The following INTS9 variants were observed in gnomAD, a reference collection of about 807,000 sequenced individuals.
INTS9 encodes the protein protein related to CPSF subunits of 74 kDa.
Under a neutral mutation model 79.7 loss-of-function variants are expected in INTS9, and 55 were observed. That is an observed-to-expected ratio of 0.69 (90% confidence interval 0.56 to 0.86). The LOEUF is 0.86. Ranked by LOEUF, INTS9 falls within the 40% of genes least tolerant of loss-of-function variation. INTS9 has a pLI of 0.00. For missense variants in INTS9, 721 were observed against 831.5 expected, an observed-to-expected ratio of 0.87 and a Z score of 1.64; for synonymous variants, 319 against 325.2, an observed-to-expected ratio of 0.98 and a Z score of 0.20.
intron 1 of INTS9, 25 bp from the exon 2 acceptor site, chr8:28,859,588 T>C: frequency 6.2e-7 from 1 of 1,612,466 alleles, no homozygotes. Flanking sequence ...ATCACTTTGA[T>C]CAGTAATCAA....
chr8:28,861,277 C>T (rs1016545152), intron 1 of INTS9, among the ~76,000 whole-genome samples: 10 of 152,146 alleles, frequency 6.6e-5, no homozygotes, highest in Admixed American at 5.9e-4. Context: ...CTGTCCCCAC[C>T]CTCCATCTGG....
chr8:28,797,805 A>T (rs1470919343), intron 8 of INTS9, among the ~76,000 whole-genome samples: 1 of 152,200 alleles, frequency 6.6e-6, no homozygotes. Context: ...CCAGCAACAC[A>T]GTTTACTAAG....
chr8:28,859,087 G>C (rs901305719), intron 2 of INTS9, among the ~76,000 whole-genome samples: 5 of 151,972 alleles, frequency 3.3e-5, no homozygotes, highest in African/African-American at 1.2e-4. Context: ...TCTCTGCAAA[G>C]GCTGCTAAAT....
chr8:28,778,692 A>C (rs1275624697), intron 12 of INTS9, among the ~76,000 whole-genome samples: 1 of 152,170 alleles, frequency 6.6e-6, no homozygotes, highest in Non-Finnish European at 1.5e-5. Flanking sequence ...GCCTGCCTTG[A>C]GCCAAAAGAC....
intron 1 of INTS9, among the ~76,000 whole-genome samples, chr8:28,869,382 C>T (rs1808944822): frequency 1.3e-5 from 2 of 152,226 alleles, no homozygotes; most frequent in South Asian, 4.1e-4. Flanking sequence ...CCCTGTTCTT[C>T]CAGAGCTTGT....
At chr8:28,858,772 T>C (rs1808302927) in intron 2 of INTS9, among the ~76,000 whole-genome samples, 1 of 152,236 alleles carries the variant, frequency 6.6e-6, no homozygotes, top group African/African-American at 2.4e-5. Flanking sequence ...AAATCTGCTT[T>C]AGATAGCTTT....
At chr8:28,880,259 TCC>T (rs1809637804) in intron 1 of INTS9, among the ~76,000 whole-genome samples, 1 of 118,948 alleles carries the variant, frequency 8.4e-6, no homozygotes, top group South Asian at 3.0e-4. Context: ...CCTCTCCCTC[TCC>T]CTCTCCCTCT....
At chr8:28,872,178 G>C (rs969480722) in intron 1 of INTS9, among the ~76,000 whole-genome samples, 1 of 152,132 alleles carries the variant, frequency 6.6e-6, no homozygotes, top group Non-Finnish European at 1.5e-5. Flanking sequence ...TTTAAAATGT[G>C]CATGTATAGT....
chr8:28,768,132 C>G lies in INTS9; in HGVS notation c.*14G>C. On this transcript the variant is annotated 3_prime_UTR_variant, in exon 17 of 17. Transcript: ENST00000521022. The stretch of plus-strand genomic sequence containing the variant: ...GGACTGCAGGATTTCAGGGAAGTAG[C>G]TCAGATGGCCCACTCAGAACTTCTG... 1 of 1,613,708 alleles carries G rather than the reference C, an allele frequency of 6.2e-7. No homozygotes were observed. The highest frequency in any genetic ancestry group is 8.5e-7 in the Non-Finnish European group (1 of 1,179,844).
At chr8:28,833,283 A>C (rs2131165044) in intron 6 of INTS9, among the ~76,000 whole-genome samples, 1 of 152,204 alleles carries the variant, frequency 6.6e-6, no homozygotes, top group African/African-American at 2.4e-5. Context: ...AACTGGAAAA[A>C]AGTGGACATG....
In INTS9 at chr8:28,777,370, T is replaced by A. The variant is rs148675960; in HGVS notation, c.1395+459A>T. Among the ~76,000 whole-genome samples the A allele has an allele frequency of 2.8e-3, 426 of 152,218 alleles. 1 individual carries two copies. Among genetic ancestry groups the A allele is most frequent in the African/African-American group, 9.8e-3 (407 of 41,520 alleles). On this transcript the variant is annotated intron_variant, in intron 13 of 16. Transcript: ENST00000521022. ...TGGTCTACACTGCACCCCAGCTACT[T>A]CTTCCCTTTCTCCAGGGCAGAAAAT...
At chr8:28,888,425 A>G (rs1234722484) in intron 1 of INTS9, among the ~76,000 whole-genome samples, 1 of 121,942 alleles carries the variant, frequency 8.2e-6, no homozygotes, top group Non-Finnish European at 1.7e-5. Context: ...GCGCGCCTGT[A>G]TTCCCAGCTA....
At chr8:28,772,985 C>T (rs1229307308) in intron 14 of INTS9, among the ~76,000 whole-genome samples, 2 of 152,206 alleles carry the variant, frequency 1.3e-5, no homozygotes, top group Non-Finnish European at 2.9e-5. Context: ...CTGTCACACT[C>T]ATTCTAGAGG....
At position 28,780,641 on chromosome 8, in the gene INTS9, C is replaced by T. The variant is rs1435557633; in HGVS notation, c.1270+182G>A. ...AAGGCCTCGCTGGATGCCCAGCTGTCCAATGGCACACACTGCTTCACTCTT... is the reference window on the plus strand; with the variant it reads ...AAGGCCTCGCTGGATGCCCAGCTGTTCAATGGCACACACTGCTTCACTCTT... On this transcript the variant is annotated intron_variant, in intron 12 of 16. Coordinates refer to ENST00000521022, the MANE Select transcript of INTS9 (RefSeq NM_018250.4). 3.0e-6 allele frequency: 3 copies of T among 985,412 alleles called. No homozygotes were observed. In the South Asian group the frequency reaches 1.4e-4, roughly 46 times the overall value. The allele number at this position is 985,412 out of a possible 1,614,324, so 61.0% of individuals were successfully genotyped here. A position where few individuals can be genotyped will look rare whatever the true frequency, so the allele number is the denominator to read the frequency against.
intron 2 of INTS9, among the ~76,000 whole-genome samples, chr8:28,850,793 T>TC (rs1351783860): frequency 6.6e-6 from 1 of 152,228 alleles, no homozygotes; most frequent in African/African-American, 2.4e-5. Context: ...AGTGGATTAG[T>TC]CACCTGTCAC....
intron 1 of INTS9, among the ~76,000 whole-genome samples, chr8:28,882,671 C>T (rs1037906212): frequency 1.3e-5 from 2 of 151,818 alleles, no homozygotes; most frequent in Non-Finnish European, 2.9e-5. Flanking sequence ...TCTTCATAAA[C>T]ATCAGTGATG....
Position 28,787,880 on chromosome 8 carries a change from G to T in INTS9, c.1047C>A (p.His349Gln). Residue 349 changes from histidine (H) to glutamine (Q), a missense_variant, in exon 11 of 17, where the codon CAC (histidine) becomes CAA (glutamine). By Grantham distance (24) the His-to-Gln change is conservative. This residue lies in a region of INTS9 where 149 missense variants were observed against 223.7 expected (regional missense o/e 0.67). Transcript: ENST00000521022. The part of the protein sequence containing the change: ...FSQIFAEWLC[H>Q]NKQSKVYLPE... ...GAAGATACACCTTACTCTGTTTGTTGTGACAAAGCCTATTAAAGAGGAAAA... is the reference window on the plus strand; with the variant it reads ...GAAGATACACCTTACTCTGTTTGTTTTGACAAAGCCTATTAAAGAGGAAAA... 2 of 1,600,204 alleles carry T rather than the reference G, an allele frequency of 1.2e-6. No homozygotes were observed. The highest frequency in any genetic ancestry group is 8.6e-7 in the Non-Finnish European group (1 of 1,169,482).
intron 4 of INTS9, among the ~76,000 whole-genome samples, chr8:28,842,884 T>C (rs1035654922): frequency 1.3e-5 from 2 of 152,176 alleles, no homozygotes; most frequent in African/African-American, 2.4e-5. Context: ...TTCGACAGAG[T>C]TGACAGTCCT....
intron 6 of INTS9, among the ~76,000 whole-genome samples, chr8:28,821,807 T>C (rs2131104375): frequency 6.6e-6 from 1 of 152,008 alleles, no homozygotes; most frequent in South Asian, 2.1e-4. Context: ...TCTTGCTCTG[T>C]CACCTAGGCT....
Sources: gnomAD v4.1 joint callset for allele counts (sites outside exome capture counted in the v4.1 genomes callset) on GRCh38, gnomAD v4.1.1 for gene constraint, gnomAD v4.1.1 regional missense constraint, MANE v1.5 for transcripts, NCBI Gene and HGNC (gene_info 2026-07-23, HGNC 2026-07-21) for gene names.